The following PVT1 variants were observed in gnomAD, a reference collection of about 807,000 sequenced individuals.
PVT1 encodes CXCR4/PVT1 fusion.
At chr8:128,042,464 T>A (rs539493562) in intron 4 of PVT1, among the ~76,000 whole-genome samples, 2 of 152,160 alleles carry the variant, frequency 1.3e-5, no homozygotes, top group Non-Finnish European at 2.9e-5. Context: ...AGAACACCAC[T>A]TCCCCCCAAG....
intron 3 of PVT1, among the ~76,000 whole-genome samples, chr8:127,985,814 G>C (rs1388029949): frequency 6.6e-6 from 1 of 152,162 alleles, no homozygotes; most frequent in Non-Finnish European, 1.5e-5. Flanking sequence ...TATTTGCAGT[G>C]GGCGATGGTG....
rs947256090 is a variant in PVT1, at chr8:127,837,130, C to T, written n.372+41059C>T. Among the ~76,000 whole-genome samples, 7 of 152,308 alleles carry T rather than the reference C, an allele frequency of 4.6e-5. No individual in the cohort carries two copies. In the East Asian group the frequency reaches 5.8e-4, roughly 13 times the overall value. On this transcript the variant is annotated intron_variant and non_coding_transcript_variant, in intron 2 of 10. Coordinates refer to ENST00000651587, the Ensembl canonical transcript of PVT1. ...TGTTCATGACTGACAAACACCCCCA[C>T]GCCCCTTCAGCCATAATTATCACCT...
chr8:127,863,970 C>T (rs1463375153), intron 2 of PVT1, among the ~76,000 whole-genome samples: 1 of 152,174 alleles, frequency 6.6e-6, no homozygotes, highest in Non-Finnish European at 1.5e-5. Context: ...TGGCTCAGCG[C>T]GGATGGAGCG....
At chr8:127,801,137 C>A (rs1318859868) in intron 2 of PVT1, among the ~76,000 whole-genome samples, 1 of 152,212 alleles carries the variant, frequency 6.6e-6, no homozygotes, top group Non-Finnish European at 1.5e-5. Context: ...GGTAGGAGAA[C>A]CCGAGCAGCA....
At chr8:128,039,271 C>A (rs1487855843) in intron 4 of PVT1, among the ~76,000 whole-genome samples, 1 of 152,108 alleles carries the variant, frequency 6.6e-6, no homozygotes, top group Non-Finnish European at 1.5e-5. Context: ...CTCCTCCCAC[C>A]TTTCCTTACC....
At chr8:127,900,982 G>A (rs1273949157) in intron 3 of PVT1, among the ~76,000 whole-genome samples, 3 of 152,220 alleles carry the variant, frequency 2.0e-5, no homozygotes, top group African/African-American at 4.8e-5. Flanking sequence ...GCCAGGGCAG[G>A]TCCAGAGTCT....
At chr8:127,820,825 T>G (rs755144456) in intron 2 of PVT1, among the ~76,000 whole-genome samples, 3 of 152,208 alleles carry the variant, frequency 2.0e-5, no homozygotes, top group Non-Finnish European at 2.9e-5. Context: ...TTCTCATGCT[T>G]CAGCCTCCCG....
At chr8:127,922,049 C>A (rs1354038351) in intron 3 of PVT1, among the ~76,000 whole-genome samples, 1 of 151,252 alleles carries the variant, frequency 6.6e-6, no homozygotes, top group Admixed American at 6.6e-5. Flanking sequence ...TTAGTAGAGA[C>A]GGTGTTTCAC....
At chr8:128,064,752 C>T (rs1813881406) in intron 4 of PVT1, among the ~76,000 whole-genome samples, 1 of 152,172 alleles carries the variant, frequency 6.6e-6, no homozygotes, top group South Asian at 2.1e-4. Flanking sequence ...GAAAACAAAA[C>T]TGCAAAATAG....
At position 127,812,256 on chromosome 8, in the gene PVT1, C is replaced by CAGGAAGGA. The variant is rs548047681; in HGVS notation, n.372+16192_372+16193insAAGGAAGG. Among the ~76,000 whole-genome samples, 132 of 119,286 alleles carry CAGGAAGGA rather than the reference C, an allele frequency of 1.1e-3. 1 individual carries two copies. Among genetic ancestry groups the CAGGAAGGA allele is most frequent in the South Asian group, 1.3e-3 (5 of 3,798 alleles). 78.3% of individuals were successfully genotyped at this position (119,286 alleles called of 152,430 possible). On this transcript the variant is annotated intron_variant and non_coding_transcript_variant, in intron 2 of 10. Transcript: ENST00000651587. ...GCAGGAAGGAAGGAAGGCAGGAAGG[C>CAGGAAGGA]AGGAAGGCAGGAAGGAAGGAAGGAA... is the stretch of plus-strand genomic sequence containing the variant.
chr8:128,041,479 C>G (rs1813541931), intron 4 of PVT1, among the ~76,000 whole-genome samples: 1 of 140,422 alleles, frequency 7.1e-6, no homozygotes, highest in Non-Finnish European at 1.5e-5. Context: ...GTGTGTGTGC[C>G]TGGTGCGTAT....
At chr8:128,042,392 G>C (rs1813556285) in intron 4 of PVT1, among the ~76,000 whole-genome samples, 1 of 152,164 alleles carries the variant, frequency 6.6e-6, no homozygotes, top group Non-Finnish European at 1.5e-5. Context: ...TCCTCCTGAT[G>C]ACCAGGCCTG....
chr8:127,901,110 A>C (rs1427749445), intron 3 of PVT1, among the ~76,000 whole-genome samples: 2 of 152,200 alleles, frequency 1.3e-5, no homozygotes, highest in African/African-American at 4.8e-5. Flanking sequence ...GATACTTGTG[A>C]AGAAGCCAAC....
chr8:127,878,344 A>G (rs1230891728), intron 2 of PVT1, among the ~76,000 whole-genome samples: 2 of 152,190 alleles, frequency 1.3e-5, no homozygotes, highest in Non-Finnish European at 2.9e-5. Context: ...TTGAGGATCT[A>G]CTAGGTGCAA....
intron 5 of PVT1, among the ~76,000 whole-genome samples, chr8:128,074,842 A>C (rs116119887): frequency 0.013 from 2,005 of 152,296 alleles, 40 homozygotes; most frequent in African/African-American, 0.045. Flanking sequence ...CTCACACTGC[A>C]GGCTTCCCAT....
intron 2 of PVT1, among the ~76,000 whole-genome samples, chr8:127,822,548 G>C (rs1814745226): frequency 6.6e-6 from 1 of 152,178 alleles, no homozygotes; most frequent in East Asian, 1.9e-4. Context: ...CTGCACTCCA[G>C]CCTGGGCGAC....
chr8:127,903,425 C>T (rs972784312), intron 3 of PVT1, among the ~76,000 whole-genome samples: 1 of 152,180 alleles, frequency 6.6e-6, no homozygotes, highest in African/African-American at 2.4e-5. Flanking sequence ...TGCAGAAACT[C>T]TTTAGTTTAA....
chr8:127,967,671 C>T (rs935420570), intron 3 of PVT1, among the ~76,000 whole-genome samples: 13 of 152,228 alleles, frequency 8.5e-5, no homozygotes, highest in Admixed American at 5.9e-4. Flanking sequence ...GAATAAAGGA[C>T]AGCTTGCCTG....
intron 2 of PVT1, among the ~76,000 whole-genome samples, chr8:127,862,135 C>T (rs930778147): frequency 7.2e-5 from 11 of 152,290 alleles, no homozygotes; most frequent in East Asian, 1.9e-4. Context: ...TGGCTGGGCG[C>T]GTTGGCTCAC....
Sources: gnomAD v4.1 joint callset for allele counts (sites outside exome capture counted in the v4.1 genomes callset) on GRCh38, gnomAD v4.1.1 for gene constraint, MANE v1.5 for transcripts, NCBI Gene and HGNC (gene_info 2026-07-23, HGNC 2026-07-21) for gene names.